KLF12: variants seen among roughly 807,000 people sequenced by gnomAD.
KLF12 encodes KLF transcription factor 12, also known as Krueppel-like factor 12.
KLF12 carries 9 observed loss-of-function variants against 37.8 expected under a neutral mutation model. The observed-to-expected ratio is 0.24, with a 90% CI of 0.14 to 0.42. The LOEUF is 0.42. KLF12 is among the 10% of genes least tolerant of loss of function. The pLI, the probability that KLF12 is intolerant of heterozygous loss-of-function variation, is 1.00. For synonymous variants in KLF12, 208 were observed against 202.1 expected, an observed-to-expected ratio of 1.03 and a Z score of -0.25; for missense variants, 411 against 516.0, an observed-to-expected ratio of 0.80 and a Z score of 1.97.
chr13:74,249,203 A>G, the KLF12 span, among the ~76,000 whole-genome samples: 2 of 152,094 alleles, frequency 1.3e-5, no homozygotes, highest in Non-Finnish European at 2.9e-5. Flanking sequence ...CACTTTATAA[A>G]AAAAAGCTAC....
chr13:73,914,531 AAAC>A (rs1888725538), intron 3 of KLF12, among the ~76,000 whole-genome samples: 1 of 152,230 alleles, frequency 6.6e-6, no homozygotes, highest in Non-Finnish European at 1.5e-5. Context: ...TTACAGAAAA[AAAC>A]AAATTCTCTG....
At chr13:73,926,633 T>C (rs927196053) in intron 3 of KLF12, among the ~76,000 whole-genome samples, 22 of 147,046 alleles carry the variant, frequency 1.5e-4, no homozygotes, top group Non-Finnish European at 2.4e-4. Flanking sequence ...TCTCTCTCTT[T>C]TTTTTTTTTT....
intron 3 of KLF12, among the ~76,000 whole-genome samples, chr13:73,857,723 A>C (rs903808123): frequency 2.6e-5 from 4 of 152,222 alleles, no homozygotes; most frequent in Admixed American, 6.5e-5. Flanking sequence ...AAAGCAATCA[A>C]GTTTGAAACC....
chr13:73,920,393 G>T (rs1203119321), intron 3 of KLF12, among the ~76,000 whole-genome samples: 1 of 151,794 alleles, frequency 6.6e-6, no homozygotes, highest in Non-Finnish European at 1.5e-5. Flanking sequence ...CCAGGTACAA[G>T]GTCTTGCTCA....
intron 4 of KLF12, among the ~76,000 whole-genome samples, chr13:73,819,914 T>G (rs1883430242): frequency 6.6e-6 from 1 of 152,062 alleles, no homozygotes; most frequent in Non-Finnish European, 1.5e-5. Flanking sequence ...AAAGTAGGAA[T>G]GTGTTTCATG....
chr13:74,236,121 A>G, the KLF12 span, among the ~76,000 whole-genome samples: 4 of 146,828 alleles, frequency 2.7e-5, no homozygotes, highest in Non-Finnish European at 5.9e-5. Context: ...CAGTCCCCAG[A>G]GTGTGACGTT....
At chr13:73,910,730 G>C (rs1888526822) in intron 3 of KLF12, among the ~76,000 whole-genome samples, 1 of 152,096 alleles carries the variant, frequency 6.6e-6, no homozygotes, top group Non-Finnish European at 1.5e-5. Flanking sequence ...TTGAATATTT[G>C]TCCCCTCCAA....
At chr13:74,134,314 G>A (rs1566229374), upstream of KLF12, among the ~76,000 whole-genome samples, 3 of 151,720 alleles carry the variant, frequency 2.0e-5, no homozygotes, top group African/African-American at 7.3e-5. Flanking sequence ...GCGGGGAGGG[G>A]CTCGCTCAGC....
At chr13:73,801,739 G>T (rs1278790790) in intron 5 of KLF12, 1 of 151,952 alleles carries the variant, frequency 6.6e-6, no homozygotes, top group East Asian at 1.9e-4. Context: ...AATACCATTA[G>T]ATTTGAAATT....
At chr13:73,723,965 C>T (rs749002582) in intron 6 of KLF12, among the ~76,000 whole-genome samples, 9 of 152,186 alleles carry the variant, frequency 5.9e-5, no homozygotes, top group South Asian at 2.1e-4. Context: ...GTTCAACCAT[C>T]GGGGAAGACA....
At chr13:74,042,656 T>C (rs1593852131) in intron 1 of KLF12, among the ~76,000 whole-genome samples, 1 of 152,126 alleles carries the variant, frequency 6.6e-6, no homozygotes, top group African/African-American at 2.4e-5. Context: ...AGTCTTAACA[T>C]CAATTAAGAC....
chr13:74,245,002 C>T, the KLF12 span, among the ~76,000 whole-genome samples: 4 of 152,148 alleles, frequency 2.6e-5, no homozygotes, highest in Non-Finnish European at 5.9e-5. Flanking sequence ...TTGGAAAAGT[C>T]ACTCTGATGA....
chr13:73,825,716 G>GA (rs139497346), intron 4 of KLF12, among the ~76,000 whole-genome samples: 34,283 of 151,638 alleles, frequency 0.23, 4,195 homozygotes, highest in East Asian at 0.47. Flanking sequence ...ATTTTCTACT[G>GA]AAAAAAAACA....
At chr13:74,212,754 A>C in the KLF12 span, among the ~76,000 whole-genome samples, 21 of 152,302 alleles carry the variant, frequency 1.4e-4, no homozygotes, top group African/African-American at 5.1e-4. Flanking sequence ...GGGAGCTATT[A>C]AAGAAATATC....
At chr13:73,888,161 C>T (rs1436752597) in intron 3 of KLF12, among the ~76,000 whole-genome samples, 3 of 152,032 alleles carry the variant, frequency 2.0e-5, no homozygotes, top group African/African-American at 7.2e-5. Context: ...AGTCACCAAG[C>T]CTAGCTAATC....
chr13:73,702,087 T>C (rs528330212), intron 7 of KLF12, among the ~76,000 whole-genome samples: 37 of 152,278 alleles, frequency 2.4e-4, no homozygotes, highest in Non-Finnish European at 5.1e-4. Context: ...TGTAACTCCA[T>C]TTCGGAGTTC....
the KLF12 span, among the ~76,000 whole-genome samples, chr13:74,233,971 T>C: frequency 1.3e-5 from 2 of 152,180 alleles, no homozygotes; most frequent in East Asian, 3.8e-4. Flanking sequence ...TCTACCAAAA[T>C]ATCTACAAGT....
the KLF12 span, among the ~76,000 whole-genome samples, chr13:74,161,427 C>T: frequency 0.02 from 3,056 of 152,192 alleles, 110 homozygotes; most frequent in African/African-American, 0.067. Flanking sequence ...CATACAGAGG[C>T]ACAGGGGAAG....
rs937928322 is a variant in KLF12 at position 73,694,693 on chromosome 13, G to A, written c.*797C>T. On this transcript the variant is annotated 3_prime_UTR_variant, in exon 8 of 8. Coordinates refer to ENST00000377669, the MANE Select transcript of KLF12 (RefSeq NM_007249.5). ...CACTGCAATTTGAAGTGGGGCAGTA[G>A]TTTTTTAGACAGGCTCTTCCTATTC... is the stretch of plus-strand genomic sequence containing the variant. The A allele has an allele frequency of 2.0e-5, 3 of 152,682 alleles. No homozygotes were observed. Among genetic ancestry groups the A allele is most frequent in the Non-Finnish European group, 4.4e-5 (3 of 68,060 alleles). The allele number at this position is 152,682 out of a possible 1,614,324, so 9.5% of individuals were successfully genotyped here. A position where few individuals can be genotyped will look rare whatever the true frequency, so the allele number is the denominator to read the frequency against.
Sources: gnomAD v4.1 joint callset for allele counts (sites outside exome capture counted in the v4.1 genomes callset) on GRCh38, gnomAD v4.1.1 for gene constraint, MANE v1.5 for transcripts, NCBI Gene and HGNC (gene_info 2026-07-23, HGNC 2026-07-21) for gene names.